MAPK6: variants seen among roughly 807,000 people sequenced by gnomAD.
MAPK6 encodes ERK-3.
In MAPK6, 19 loss-of-function variants were observed where a neutral mutation model predicts 59.3. The ratio of observed to expected loss-of-function variants is 0.32; its 90% confidence interval spans 0.22 to 0.47. MAPK6 has a LOEUF of 0.47. MAPK6 is among the 20% of genes least tolerant of loss of function. The pLI is 1.00. For synonymous variants in MAPK6, 316 were observed against 290.3 expected (o/e 1.09, Z -0.90); for missense variants, 724 against 847.9 (o/e 0.85, Z 1.81).
intron 1 of MAPK6, among the ~76,000 whole-genome samples, chr15:52,042,200 A>G (rs1380822845): frequency 6.6e-6 from 1 of 152,254 alleles, no homozygotes; most frequent in Non-Finnish European, 1.5e-5. Context: ...GATCTTGAAG[A>G]CTACTACTCA....
chr15:51,976,569 G>A (rs1728411617), intron 1 of MAPK6, among the ~76,000 whole-genome samples: 1 of 151,716 alleles, frequency 6.6e-6, no homozygotes, highest in Admixed American at 6.6e-5. Context: ...AAAATCTGCT[G>A]GCATATGAAG....
intron 2 of MAPK6, among the ~76,000 whole-genome samples, chr15:51,998,394 G>T (rs140026342): frequency 0.018 from 2,700 of 151,458 alleles, 81 homozygotes; most frequent in African/African-American, 0.062. Context: ...TAGTAGAGAC[G>T]GATTTTCATC....
chr15:52,016,107 C>CAAA (rs1555396617), upstream of MAPK6, among the ~76,000 whole-genome samples: 2 of 136,212 alleles, frequency 1.5e-5, no homozygotes, highest in Admixed American at 7.4e-5. Flanking sequence ...CACACACACA[C>CAAA]AAACTAAAAC....
At chr15:52,030,333 A>C (rs941823473) in intron 1 of MAPK6, among the ~76,000 whole-genome samples, 1 of 152,172 alleles carries the variant, frequency 6.6e-6, no homozygotes, top group Non-Finnish European at 1.5e-5. Context: ...CTTATTCTCT[A>C]CTATATTGTC....
At chr15:51,984,068 A>G (rs1224101930) in intron 2 of MAPK6, among the ~76,000 whole-genome samples, 1 of 152,102 alleles carries the variant, frequency 6.6e-6, no homozygotes, top group Non-Finnish European at 1.5e-5. Context: ...AAAAATCACC[A>G]AAACTTTGTT....
At chr15:52,030,580 G>A (rs1421076247) in intron 1 of MAPK6, among the ~76,000 whole-genome samples, 1 of 117,646 alleles carries the variant, frequency 8.5e-6, no homozygotes, top group African/African-American at 3.1e-5. Context: ...TCTTGATTTT[G>A]ATGGTTGTGT....
In MAPK6 at chr15:52,058,744, T is replaced by C; in HGVS notation, c.812T>C (p.Met271Thr). The change falls in exon 4 of 6, where the codon ATG (methionine) becomes ACG (threonine). Residue 271 changes from methionine (M) to threonine (T), a missense_variant. Transcript: ENST00000261845. ...ATTCCAGTTTACATTAGAAATGACA[T>C]GACTGAGCCACACAAACCTTTAACT... ...SVIPVYIRND[M>T]TEPHKPLTQL... The C allele has an allele frequency of 1.9e-6, 3 of 1,613,596 alleles. No homozygotes were observed. The highest frequency in any genetic ancestry group is 2.5e-6 in the Non-Finnish European group (3 of 1,179,730).
chr15:51,984,542 A>G (rs1388025460), intron 2 of MAPK6, among the ~76,000 whole-genome samples: 3 of 140,412 alleles, frequency 2.1e-5, no homozygotes, highest in Non-Finnish European at 3.0e-5. Context: ...TGACCTCGTG[A>G]TCCGCCCGCC....
chr15:51,972,287 C>A (rs1484068614), intron 1 of MAPK6, among the ~76,000 whole-genome samples: 2 of 152,062 alleles, frequency 1.3e-5, no homozygotes, highest in Admixed American at 6.5e-5. Context: ...GACAGGCGCC[C>A]GCCACCACAC....
chr15:52,063,605 G>T (rs530158388), intron 5 of MAPK6, among the ~76,000 whole-genome samples: 2 of 150,322 alleles, frequency 1.3e-5, no homozygotes, highest in East Asian at 3.9e-4. Flanking sequence ...CATTTGTAAG[G>T]TACCTGATTG....
intron 4 of MAPK6, among the ~76,000 whole-genome samples, 183 bp from the exon 5 acceptor site, chr15:52,061,116 C>A (rs868304270): frequency 2.0e-5 from 3 of 152,096 alleles, no homozygotes; most frequent in South Asian, 4.2e-4. Context: ...ATTGTGTAGT[C>A]CATTTTTCCC....
intron 3 of MAPK6, among the ~76,000 whole-genome samples, chr15:52,014,206 A>G (rs2030170047): frequency 6.6e-6 from 1 of 152,118 alleles, no homozygotes; most frequent in African/African-American, 2.4e-5. Flanking sequence ...ATCTCTGCTC[A>G]GGAAGCACTC....
At chr15:52,050,449 A>T (rs1261570490) in intron 3 of MAPK6, among the ~76,000 whole-genome samples, 1 of 152,152 alleles carries the variant, frequency 6.6e-6, no homozygotes, top group African/African-American at 2.4e-5. Flanking sequence ...TCCTGGTGAA[A>T]ATTTTAAGCC....
intron 3 of MAPK6, among the ~76,000 whole-genome samples, chr15:52,009,698 TA>T (rs1209918000): frequency 2.6e-5 from 4 of 152,212 alleles, no homozygotes; most frequent in African/African-American, 9.6e-5. Context: ...ATTTAAAAAG[TA>T]AATGTATAGT....
At chr15:52,060,145 A>C (rs1326703480) in intron 4 of MAPK6, among the ~76,000 whole-genome samples, 2 of 152,194 alleles carry the variant, frequency 1.3e-5, no homozygotes, top group African/African-American at 2.4e-5. Flanking sequence ...AGGCTGAGGC[A>C]GGAAGATTCC....
At chr15:52,017,777 G>A (rs968561884), upstream of MAPK6, 9 of 152,242 alleles carry the variant, frequency 5.9e-5, no homozygotes, top group African/African-American at 2.2e-4. Flanking sequence ...GAAAAGGAAG[G>A]TAAACGAGTT....
At chr15:52,008,236 T>C (rs552297873) in intron 3 of MAPK6, among the ~76,000 whole-genome samples, 2 of 152,204 alleles carry the variant, frequency 1.3e-5, no homozygotes, top group East Asian at 3.9e-4. Flanking sequence ...GCAAAGGAAA[T>C]GTCCTCAGCA....
At position 52,046,104 on chromosome 15, in the gene MAPK6, T is replaced by C; in HGVS notation, c.-357T>C. 4.7e-6 allele frequency: 1 copy of C among 214,128 alleles called. No individual in the cohort carries two copies. Among genetic ancestry groups the C allele is most frequent in the South Asian group, 7.6e-5 (1 of 13,092 alleles). The allele number at this position is 214,128 out of a possible 1,614,324, so 13.3% of individuals were successfully genotyped here. A position where few individuals can be genotyped will look rare whatever the true frequency, so the allele number is the denominator to read the frequency against. On this transcript the variant is annotated 5_prime_UTR_variant, in exon 2 of 6. Transcript: ENST00000261845. ...CCTGTTGTGTGCATATTTATTCACA[T>C]TTTTGTTAAATGTTAAATCGTTTAG...
chr15:52,012,731 G>A (rs565785528), intron 3 of MAPK6, among the ~76,000 whole-genome samples: 3 of 151,998 alleles, frequency 2.0e-5, no homozygotes, highest in Non-Finnish European at 4.4e-5. Flanking sequence ...GCTTACACCT[G>A]TAATCCCAGC....
Sources: allele counts gnomAD v4.1 joint callset (sites outside exome capture counted in the v4.1 genomes callset), GRCh38; gene constraint gnomAD v4.1.1; transcripts MANE v1.5; gene names NCBI Gene and HGNC (gene_info 2026-07-23, HGNC 2026-07-21).